The following CPQ variants were observed in gnomAD, a reference collection of about 807,000 sequenced individuals.
CPQ encodes carboxypeptidase Q.
CPQ carries 37 observed loss-of-function variants against 45.7 expected under a neutral mutation model. The ratio of observed to expected loss-of-function variants is 0.81; its 90% CI spans 0.62 to 1.07. The LOEUF is 1.07. CPQ is among the 50% of genes least tolerant of loss of function. CPQ has a pLI of 0.00. For synonymous variants in CPQ, 186 were observed against 205.8 expected (o/e 0.90, Z 0.82); for missense variants, 537 against 572.9 (o/e 0.94, Z 0.64).
intron 7 of CPQ, among the ~76,000 whole-genome samples, chr8:97,127,274 T>A (rs1015339021): frequency 5.9e-5 from 9 of 152,102 alleles, no homozygotes; most frequent in Non-Finnish European, 8.8e-5. Flanking sequence ...GACTTGTAAC[T>A]CTCACAACTC....
At chr8:96,814,031 C>T (rs1811194157) in intron 2 of CPQ, among the ~76,000 whole-genome samples, 1 of 151,698 alleles carries the variant, frequency 6.6e-6, no homozygotes, top group Non-Finnish European at 1.5e-5. Context: ...CATATATATG[C>T]ACATATATAT....
At chr8:96,821,283 T>C (rs1811305420) in intron 2 of CPQ, among the ~76,000 whole-genome samples, 1 of 151,860 alleles carries the variant, frequency 6.6e-6, no homozygotes, top group South Asian at 2.1e-4. Context: ...GCAGAAGCTT[T>C]TTAGGTTGAT....
intron 2 of CPQ, among the ~76,000 whole-genome samples, chr8:96,826,358 A>C (rs1325022295): frequency 6.6e-6 from 1 of 152,068 alleles, no homozygotes; most frequent in Non-Finnish European, 1.5e-5. Flanking sequence ...CTTTGATAGA[A>C]ACTTTAAATT....
chr8:96,928,215 G>T (rs1327787169), intron 4 of CPQ, among the ~76,000 whole-genome samples: 1 of 152,046 alleles, frequency 6.6e-6, no homozygotes, highest in Non-Finnish European at 1.5e-5. Flanking sequence ...AAACCCTGGG[G>T]CATTTATGCA....
intron 3 of CPQ, among the ~76,000 whole-genome samples, chr8:96,866,588 T>C (rs1361086280): frequency 6.6e-6 from 1 of 152,122 alleles, no homozygotes; most frequent in Non-Finnish European, 1.5e-5. Flanking sequence ...AAGTTATAGC[T>C]CTAAGTGTAG....
intron 2 of CPQ, among the ~76,000 whole-genome samples, chr8:96,813,535 G>T (rs1811185696): frequency 2.0e-5 from 3 of 152,092 alleles, no homozygotes; most frequent in Non-Finnish European, 2.9e-5. Context: ...AGAAGGAGAA[G>T]CCAATCCCAA....
intron 5 of CPQ, among the ~76,000 whole-genome samples, chr8:97,004,696 A>G (rs548633271): frequency 1.3e-5 from 2 of 152,168 alleles, no homozygotes; most frequent in Non-Finnish European, 2.9e-5. Context: ...CTTAAAAGGA[A>G]TATTTCACAG....
chr8:97,123,256 TA>T (rs1811788639), intron 7 of CPQ, among the ~76,000 whole-genome samples: 1 of 134,204 alleles, frequency 7.5e-6, no homozygotes, highest in African/African-American at 2.7e-5. Flanking sequence ...AAAATAAAAA[TA>T]AAATAAAATA....
At chr8:97,141,211 C>T (rs1004373596) in intron 7 of CPQ, among the ~76,000 whole-genome samples, 12 of 152,080 alleles carry the variant, frequency 7.9e-5, no homozygotes, top group African/African-American at 2.9e-4. Context: ...AAAGTAAAAA[C>T]ACTTATTCAT....
At chr8:96,775,347 A>G (rs918462041) in intron 1 of CPQ, among the ~76,000 whole-genome samples, 1 of 152,148 alleles carries the variant, frequency 6.6e-6, no homozygotes, top group Non-Finnish European at 1.5e-5. Flanking sequence ...ATAAAGGAAC[A>G]ATTAAAGGAA....
At position 96,785,113 on chromosome 8, in the gene CPQ, T is replaced by G. The variant is rs770820512; in HGVS notation, c.216T>G (p.Asp72Glu). The G allele has an allele frequency of 1.9e-6, 3 of 1,613,760 alleles. No homozygotes were observed. In the Admixed American group the frequency reaches 5.0e-5, roughly 27 times the overall value. ...ATGAGCGATTGGCACTTCTGGTTGA[T>G]ACTGTTGGACCCAGACTGAGTGGCT... The part of the protein sequence containing the change: ...RSYERLALLV[D>E]TVGPRLSGSK... The change falls in exon 2 of 8, where the codon GAT (aspartate) becomes GAG (glutamate). Residue 72 changes from aspartate (D) to glutamate (E), a missense_variant. Transcript: ENST00000220763.
intron 5 of CPQ, among the ~76,000 whole-genome samples, chr8:97,008,652 GC>G (rs1386068915): frequency 1.3e-5 from 2 of 152,100 alleles, no homozygotes; most frequent in African/African-American, 4.8e-5. Context: ...GGAGAACCTG[GC>G]TTTAAGTCCT....
In CPQ at chr8:97,078,763, TTCTCTCTCTCTC is replaced by T. The variant is rs749278181; in HGVS notation, c.1255+12586_1255+12597del. Among the ~76,000 whole-genome samples, 668 of 100,370 alleles carry T rather than the reference TTCTCTCTCTCTC, an allele frequency of 6.7e-3. 3 individuals are homozygous for T. The highest frequency in any genetic ancestry group is 0.019 in the African/African-American group (520 of 27,798). 65.8% of individuals were successfully genotyped at this position (100,370 alleles called of 152,430 possible). A position where few individuals can be genotyped will look rare whatever the true frequency, so the allele number is the denominator to read the frequency against. On this transcript the variant is annotated intron_variant, in intron 7 of 7. Transcript: ENST00000220763. ...ACTCTAAATATGATATCATTTCCAT[TTCTCTCTCTCTC>T]TCTCTCTCTCTCTCTCTCTCTCTCT...
chr8:96,998,905 A>G (rs1809221928), intron 5 of CPQ, among the ~76,000 whole-genome samples: 1 of 152,044 alleles, frequency 6.6e-6, no homozygotes, highest in Non-Finnish European at 1.5e-5. Context: ...GACTTACAAT[A>G]AACAACAATA....
chr8:96,817,163 G>T (rs187629569), intron 2 of CPQ, among the ~76,000 whole-genome samples: 1 of 152,118 alleles, frequency 6.6e-6, no homozygotes, highest in Non-Finnish European at 1.5e-5. Context: ...GTTGTTCAGC[G>T]TAGTGACATA....
rs1314129792 is a variant in CPQ, at chr8:97,120,117, A to C, written c.1256-22903A>C. On this transcript the variant is annotated intron_variant, in intron 7 of 7. Coordinates refer to ENST00000220763, the MANE Select transcript of CPQ (RefSeq NM_016134.4). ...ACAAAACTTTGTCTAACACGTATAA[A>C]TATTAGGACCTCCTTTTTCCCCAAG... 2.0e-5 allele frequency among the ~76,000 whole-genome samples: 3 copies of C among 152,326 alleles called. No homozygotes were observed. In the East Asian group the frequency reaches 5.8e-4, roughly 29 times the overall value.
intron 7 of CPQ, among the ~76,000 whole-genome samples, chr8:97,108,571 C>T (rs906093133): frequency 6.6e-5 from 10 of 152,218 alleles, no homozygotes; most frequent in Admixed American, 5.2e-4. Flanking sequence ...TTGCCTACTG[C>T]AATCGCTTTC....
chr8:96,830,144 G>C lies in CPQ; in HGVS notation c.434-4829G>C, dbSNP rs150129548. 1.1e-4 allele frequency among the ~76,000 whole-genome samples: 16 copies of C among 152,232 alleles called. No individual in the cohort carries two copies. The East Asian group carries it at 2.9e-3, about 28-fold the overall frequency. The stretch of plus-strand genomic sequence containing the variant: ...TTATGTGATAAGAGTAGAAAGCTAG[G>C]TTTCCTTTGGGTAGGGCTAGACTAT... On this transcript the variant is annotated intron_variant, in intron 2 of 7. Transcript: ENST00000220763.
At chr8:97,119,200 G>A (rs1422395250) in intron 7 of CPQ, among the ~76,000 whole-genome samples, 1 of 151,900 alleles carries the variant, frequency 6.6e-6, no homozygotes, top group Non-Finnish European at 1.5e-5. Flanking sequence ...GTGGTAATGG[G>A]TGCCTGCAAT....
Sources: allele counts gnomAD v4.1 joint callset (sites outside exome capture counted in the v4.1 genomes callset), GRCh38; gene constraint gnomAD v4.1.1; transcripts MANE v1.5; gene names NCBI Gene and HGNC (gene_info 2026-07-23, HGNC 2026-07-21).